RC3H2: variants seen among roughly 807,000 people sequenced by gnomAD.
RC3H2 encodes the protein roquin-2.
A neutral mutation model predicts 133.3 loss-of-function variants in RC3H2; 31 were observed. The ratio of observed to expected loss-of-function variants is 0.23; its 90% CI spans 0.17 to 0.31. The LOEUF (loss-of-function observed/expected upper bound fraction) is 0.31, where lower values mean the gene tolerates loss of function less well. Ranked by LOEUF, RC3H2 falls within the 10% of genes least tolerant of loss-of-function variation. RC3H2 has a pLI of 1.00. For missense variants in RC3H2, 1,175 were observed against 1,437.2 expected, an observed-to-expected ratio of 0.82 and a Z score of 2.95; for synonymous variants, 517 against 502.2, an observed-to-expected ratio of 1.03 and a Z score of -0.40.
chr9:122,848,683 A>T lies in RC3H2; in HGVS notation c.*944T>A, dbSNP rs1012186803. 2 of 152,326 alleles carry T rather than the reference A, an allele frequency of 1.3e-5. No individual in the cohort carries two copies. Among genetic ancestry groups the T allele is most frequent in the Non-Finnish European group, 2.9e-5 (2 of 68,008 alleles). 9.4% of individuals were successfully genotyped at this position (152,326 alleles called of 1,614,324 possible). On this transcript the variant is annotated 3_prime_UTR_variant, in exon 21 of 21. Transcript: ENST00000357244. ...AAAAACCCAGCAATACCATCTTGTT[A>T]GTCAGTGCAAACGCTACATACAGGG...
intron 5 of RC3H2, 28 bp downstream of exon 5, chr9:122,883,176 T>G: frequency 1.3e-6 from 2 of 1,591,258 alleles, no homozygotes; most frequent in Non-Finnish European, 1.7e-6. Flanking sequence ...CAAACAGGCA[T>G]GTCTTTACAT....
At chr9:122,904,746 G>A (rs539422142) in intron 1 of RC3H2, among the ~76,000 whole-genome samples, 2 of 152,320 alleles carry the variant, frequency 1.3e-5, no homozygotes, top group South Asian at 2.1e-4. Flanking sequence ...AAAGCTAGGA[G>A]AAGACTTGGT....
At chr9:122,893,727 A>G (rs951936690) in intron 2 of RC3H2, among the ~76,000 whole-genome samples, 1 of 152,168 alleles carries the variant, frequency 6.6e-6, no homozygotes, top group Non-Finnish European at 1.5e-5. Flanking sequence ...AAGAGTGGAG[A>G]AAAAAAGACA....
At position 122,905,277 on chromosome 9, in the gene RC3H2, C is replaced by T. The variant is rs1408418500; in HGVS notation, c.-235G>A. On this transcript the variant is annotated 5_prime_UTR_variant, in exon 1 of 21. Transcript: ENST00000357244. ...ACAGCCCCGTTGGCGGCGGCGAAGGCCGCGACGGGGCCTCCTCCTCCTCCC... is the reference window on the plus strand; with the variant it reads ...ACAGCCCCGTTGGCGGCGGCGAAGGTCGCGACGGGGCCTCCTCCTCCTCCC... 3 of 986,016 alleles carry T rather than the reference C, an allele frequency of 3.0e-6. No homozygotes were observed. Among genetic ancestry groups the T allele is most frequent in the Non-Finnish European group, 3.6e-6 (3 of 830,338 alleles). 61.1% of individuals were successfully genotyped at this position (986,016 alleles called of 1,614,324 possible).
chr9:122,897,440 T>G lies in RC3H2; in HGVS notation c.70A>C (p.Asn24His). 6.2e-7 allele frequency: 1 copy of G among 1,614,222 alleles called. No homozygotes were observed. The highest frequency in any genetic ancestry group is 1.3e-5 in the African/African-American group (1 of 75,054). Residue 24 changes from asparagine to histidine, a missense_variant, in exon 2 of 21, where the codon AAT becomes CAT. Asn to His is a moderately conservative substitution (Grantham distance 68). This residue lies in a region of RC3H2 where 41 missense variants were observed against 88.0 expected (regional missense o/e 0.47). Coordinates refer to ENST00000357244, the MANE Select transcript of RC3H2 (RefSeq NM_001100588.3). Reference protein sequence around the residue: ...CPICYNEFDENVHKPISLGCS... With the variant: ...CPICYNEFDEHVHKPISLGCS... ...CCTAAACTGATGGGTTTGTGCACAT[T>G]CTCATCAAATTCATTATAGCAGATT...
chr9:122,866,812 A>T (rs372046057), intron 9 of RC3H2, among the ~76,000 whole-genome samples: 1 of 152,048 alleles, frequency 6.6e-6, no homozygotes, highest in Non-Finnish European at 1.5e-5. Context: ...ATTGCAGCCT[A>T]TGCCCGGCCG....
intron 18 of RC3H2, among the ~76,000 whole-genome samples, chr9:122,852,919 G>T (rs1348408513): frequency 3.3e-5 from 5 of 152,212 alleles, no homozygotes; most frequent in East Asian, 1.9e-4. Context: ...TGATGACAAT[G>T]GCGGTTTTGT....
At chr9:122,877,659 C>T (rs1831399999) in intron 8 of RC3H2, 76 bp from the exon 9 acceptor site, 4 of 1,058,642 alleles carry the variant, frequency 3.8e-6, no homozygotes, top group Admixed American at 3.9e-5. Context: ...AAGTTCAGAA[C>T]TTTATAATTA....
rs370991398 is a variant in RC3H2 at position 122,880,578 on chromosome 9, C to T, written c.960+16G>A. ...AACAGCAATGATAGAACATCAGCAT[C>T]TCTAATTTCACAAACCTTATCAATG... On this transcript the variant is annotated intron_variant, in intron 6 of 20. Coordinates refer to ENST00000357244, the MANE Select transcript of RC3H2 (RefSeq NM_001100588.3). 1.3e-6 allele frequency: 2 copies of T among 1,591,654 alleles called. No homozygotes were observed. The highest frequency in any genetic ancestry group is 1.7e-6 in the Non-Finnish European group (2 of 1,160,038).
At chr9:122,851,953 C>T (rs1327731455) in intron 18 of RC3H2, among the ~76,000 whole-genome samples, 2 of 151,518 alleles carry the variant, frequency 1.3e-5, no homozygotes, top group East Asian at 3.9e-4. Context: ...TCTGCCTGGC[C>T]GCCCATCGTC....
intron 13 of RC3H2, among the ~76,000 whole-genome samples, chr9:122,856,827 C>T (rs543430683): frequency 2.0e-5 from 3 of 152,266 alleles, no homozygotes; most frequent in Admixed American, 1.3e-4. Flanking sequence ...CTCAGCAGAT[C>T]GGAGTCTCAG....
chr9:122,877,783 T>C (rs1257476654), intron 8 of RC3H2, among the ~76,000 whole-genome samples, 200 bp from the exon 9 acceptor site: 2 of 152,248 alleles, frequency 1.3e-5, no homozygotes, highest in African/African-American at 2.4e-5. Flanking sequence ...ACTTCAGATA[T>C]TCCTTCTGAA....
chr9:122,855,670 C>T (rs1830216154), intron 14 of RC3H2, 62 bp downstream of exon 14: 3 of 1,532,422 alleles, frequency 2.0e-6, no homozygotes, highest in Non-Finnish European at 2.6e-6. Flanking sequence ...ATTCATTCTA[C>T]AACATGAGTG....
intron 8 of RC3H2, 78 bp downstream of exon 8, chr9:122,879,677 C>T: frequency 1.0e-6 from 1 of 995,856 alleles, no homozygotes; most frequent in Non-Finnish European, 1.5e-6. Context: ...GTCCAATTAA[C>T]AAAACAGCTG....
intron 13 of RC3H2, among the ~76,000 whole-genome samples, chr9:122,856,546 C>T (rs1222560347): frequency 1.3e-5 from 2 of 152,182 alleles, no homozygotes; most frequent in Non-Finnish European, 2.9e-5. Context: ...TGAGCCACTA[C>T]ACCAAGCTGA....
chr9:122,854,592 C>T lies in RC3H2; in HGVS notation c.2839G>A (p.Val947Ile). The stretch of plus-strand genomic sequence containing the variant: ...CCATATGAACTCCACCTTGAATCAA[C>T]AGCATTGACATAAGGGACATAATCT... The part of the protein sequence containing the change: ...VSDYVPYVNA[V>I]DSRWSSYGNE... The change falls in exon 16 of 21, where the codon GTT becomes ATT. Residue 947 changes from valine (V) to isoleucine (I), a missense_variant. Physicochemically the swap from Val to Ile is conservative, Grantham distance 29 (BLOSUM62 3). Around this residue, in one of 8 missense-constraint regions of RC3H2, gnomAD observed 138 missense variants for 215.0 expected, o/e 0.64. Coordinates refer to ENST00000357244, the MANE Select transcript of RC3H2 (RefSeq NM_001100588.3). The T allele has an allele frequency of 6.2e-7, 1 of 1,612,730 alleles. No individual in the cohort carries two copies. The highest frequency in any genetic ancestry group is 1.1e-5 in the South Asian group (1 of 91,050).
In RC3H2 at chr9:122,889,528, C is replaced by T. The variant is rs143382177; in HGVS notation, c.583+784G>A. 7.6e-3 allele frequency among the ~76,000 whole-genome samples: 1,159 copies of T among 152,140 alleles called. 13 individuals are homozygous for T. Among genetic ancestry groups the T allele is most frequent in the African/African-American group, 0.026 (1,096 of 41,504 alleles). On this transcript the variant is annotated intron_variant, in intron 4 of 20. Transcript: ENST00000357244. The stretch of plus-strand genomic sequence containing the variant: ...TAAATCACAAAGTTCAAACAATAAA[C>T]CTTCAAGAAGAAAACACAGGAGGGA...
At chr9:122,891,896 C>G (rs1164577072) in intron 3 of RC3H2, among the ~76,000 whole-genome samples, 2 of 152,220 alleles carry the variant, frequency 1.3e-5, no homozygotes, top group African/African-American at 4.8e-5. Context: ...ATTTATTACA[C>G]TTGTACATCT....
At chr9:122,886,892 A>G (rs1831938752) in intron 4 of RC3H2, among the ~76,000 whole-genome samples, 1 of 152,242 alleles carries the variant, frequency 6.6e-6, no homozygotes, top group Admixed American at 6.5e-5. Flanking sequence ...TGAGCTGTAG[A>G]ACAAAAGAGA....
Sources: allele counts gnomAD v4.1 joint callset (sites outside exome capture counted in the v4.1 genomes callset), GRCh38; gene constraint gnomAD v4.1.1; regional missense constraint gnomAD v4.1.1; transcripts MANE v1.5; gene names NCBI Gene and HGNC (gene_info 2026-07-23, HGNC 2026-07-21).